Variants in ZMPSTE24 observed in about 807,000 individuals in gnomAD.
ZMPSTE24 encodes the protein zinc metallopeptidase STE24.
Under a neutral mutation model 56.7 loss-of-function variants are expected in ZMPSTE24, and 48 were observed. The ratio of observed to expected loss-of-function variants is 0.85; its 90% CI spans 0.67 to 1.08. The LOEUF (loss-of-function observed/expected upper bound fraction) is 1.08, where lower values mean the gene tolerates loss of function less well. ZMPSTE24 is among the 50% of genes least tolerant of loss of function. The pLI is 0.00. For missense variants in ZMPSTE24, 503 were observed against 548.7 expected (o/e 0.92, Z 0.83); for synonymous variants, 172 against 195.2 (o/e 0.88, Z 0.99).
intron 2 of ZMPSTE24, among the ~76,000 whole-genome samples, chr1:40,266,227 T>C (rs1054456931): frequency 2.0e-5 from 3 of 152,164 alleles, no homozygotes; most frequent in African/African-American, 7.2e-5. Context: ...AATATGATAG[T>C]ACCAAAACCC....
Position 40,276,710 on chromosome 1 carries a change from G to A in ZMPSTE24, c.770-4633G>A, listed in dbSNP as rs1010900563. Reference sequence around the variant, plus strand: ...TGAGAAATGCGCCATTAGGCTTTTCGTTGTCATGCAAACACCATTATACTC... The same window carrying A: ...TGAGAAATGCGCCATTAGGCTTTTCATTGTCATGCAAACACCATTATACTC... On this transcript the variant is annotated intron_variant, in intron 6 of 9. Transcript: ENST00000372759. Among the ~76,000 whole-genome samples, 12 of 152,148 alleles carry A rather than the reference G, an allele frequency of 7.9e-5. No individual in the cohort carries two copies. In the East Asian group the frequency reaches 1.2e-3, roughly 15 times the overall value.
At position 40,281,212 on chromosome 1, in the gene ZMPSTE24, T is replaced by C. The variant is rs78985808; in HGVS notation, c.770-131T>C. 2,468 of 928,676 alleles carry C rather than the reference T, an allele frequency of 2.7e-3. 33 individuals are homozygous for C. In the African/African-American group the frequency reaches 0.032, roughly 12 times the overall value. 57.5% of individuals were successfully genotyped at this position (928,676 alleles called of 1,614,324 possible). On this transcript the variant is annotated intron_variant, in intron 6 of 9. Coordinates refer to ENST00000372759, the MANE Select transcript of ZMPSTE24 (RefSeq NM_005857.5). The stretch of plus-strand genomic sequence containing the variant: ...CTGCTGGTGGTGAATTATGTTGATA[T>C]GATTTTTCTTCACATATTAAATGAT...
intron 8 of ZMPSTE24, 36 bp from the exon 9 acceptor site, chr1:40,290,818 G>GGT (rs760598016): frequency 1.4e-5 from 22 of 1,608,960 alleles, no homozygotes; most frequent in Non-Finnish European, 1.7e-5. Flanking sequence ...AAATCAGCTT[G>GGT]GTAATAACTT....
chr1:40,260,065 T>A (rs2124574954), intron 1 of ZMPSTE24, among the ~76,000 whole-genome samples: 1 of 146,652 alleles, frequency 6.8e-6, no homozygotes, highest in African/African-American at 2.5e-5. Context: ...CTTTTTTTTT[T>A]TTTTTTTTTT....
chr1:40,269,113 T>A (rs1374570350), intron 4 of ZMPSTE24, among the ~76,000 whole-genome samples: 1 of 146,174 alleles, frequency 6.8e-6, no homozygotes, highest in Non-Finnish European at 1.5e-5. Context: ...AAAAAAAGTC[T>A]TGACTGGGTA....
intron 8 of ZMPSTE24, among the ~76,000 whole-genome samples, chr1:40,286,429 A>C (rs1381751374): frequency 1.3e-5 from 2 of 152,084 alleles, no homozygotes; most frequent in Admixed American, 6.6e-5. Context: ...AAATTAAAAA[A>C]ATTTTTTTTG....
intron 4 of ZMPSTE24, among the ~76,000 whole-genome samples, chr1:40,269,402 A>T (rs890674667): frequency 6.6e-6 from 1 of 152,140 alleles, no homozygotes; most frequent in Non-Finnish European, 1.5e-5. Flanking sequence ...TCTTAAAAAA[A>T]AAAAAGAAAT....
intron 2 of ZMPSTE24, among the ~76,000 whole-genome samples, chr1:40,266,514 G>A (rs1643549682): frequency 6.6e-6 from 1 of 152,124 alleles, no homozygotes; most frequent in Non-Finnish European, 1.5e-5. Flanking sequence ...CCAAGACAAA[G>A]GGTGGTGCTG....
At chr1:40,273,537 A>AAAAAATATAT (rs1224234676) in intron 6 of ZMPSTE24, among the ~76,000 whole-genome samples, 2 of 12,388 alleles carry the variant, frequency 1.6e-4, no homozygotes, top group African/African-American at 3.7e-4. Flanking sequence ...AAAAAAAAAA[A>AAAAAATATAT]ATATATATAT....
chr1:40,288,713 T>C (rs1643810120), intron 8 of ZMPSTE24, among the ~76,000 whole-genome samples: 1 of 152,192 alleles, frequency 6.6e-6, no homozygotes, highest in Non-Finnish European at 1.5e-5. Flanking sequence ...ACATTAACAT[T>C]AGGCCAACTG....
chr1:40,263,081 C>A, intron 2 of ZMPSTE24: 1 of 768,648 alleles, frequency 1.3e-6, no homozygotes, highest in Non-Finnish European at 1.6e-6. Context: ...CATTTTCAAT[C>A]TCCTTGGTTG....
At chr1:40,285,167 CGTGATCTCAGCTCACTG>C (rs570023476) in intron 7 of ZMPSTE24, among the ~76,000 whole-genome samples, 6,774 of 151,606 alleles carry the variant, frequency 0.045, 485 homozygotes, top group African/African-American at 0.16. Context: ...AGTGCAATGG[CGTGATCTCAGCTCACTG>C]GTGATCTCAG....
Position 40,281,462 on chromosome 1 carries a change from G to C in ZMPSTE24, c.889G>C (p.Asp297His). 6.2e-7 allele frequency: 1 copy of C among 1,614,134 alleles called. No homozygotes were observed. The highest frequency in any genetic ancestry group is 1.1e-5 in the South Asian group (1 of 91,082). Residue 297 changes from aspartate to histidine, a missense_variant, in exon 7 of 10, where the codon GAT becomes CAT. Physicochemically the swap from Asp to His is moderately conservative, Grantham distance 81. Coordinates refer to ENST00000372759, the MANE Select transcript of ZMPSTE24 (RefSeq NM_005857.5). ...YSVLNKDIQE[D>H]SGMEPRNEEE... is the part of the protein sequence containing the mutation. ...TGTACTAAACAAAGACATCCAGGAG[G>C]ATTCTGGCATGGAACCCCGCAATGA...
At position 40,281,433 on chromosome 1, in the gene ZMPSTE24, A is replaced by G. The variant is rs781178278; in HGVS notation, c.860A>G (p.Tyr287Cys). ...TTGTTTGACACTCTACTAGAAGAGT[A>G]CTCTGTACTAAACAAAGACATCCAG... Reference protein sequence around the residue: ...IVLFDTLLEEYSVLNKDIQED... With the variant: ...IVLFDTLLEECSVLNKDIQED... Residue 287 changes from tyrosine (Y) to cysteine (C), a missense_variant, in exon 7 of 10, where the codon TAC becomes TGC. Physicochemically the swap from Tyr to Cys is radical, Grantham distance 194 (BLOSUM62 -2). Transcript: ENST00000372759. 6 of 1,614,022 alleles carry G rather than the reference A, an allele frequency of 3.7e-6. No individual in the cohort carries two copies. In the South Asian group the frequency reaches 6.6e-5, roughly 18 times the overall value.
intron 1 of ZMPSTE24, 74 bp from the exon 2 acceptor site, chr1:40,260,765 T>C (rs1367238328): frequency 3.3e-6 from 5 of 1,501,192 alleles, no homozygotes; most frequent in Admixed American, 3.4e-5. Context: ...CTATAAACCA[T>C]TCGATGTTTG....
chr1:40,281,517 CTAAAGT>C lies in ZMPSTE24; in HGVS notation c.951_954+2del, dbSNP rs747563189. 3.3e-5 allele frequency: 53 copies of C among 1,613,870 alleles called. No homozygotes were observed. The highest frequency in any genetic ancestry group is 1.9e-4 in the African/African-American group (14 of 75,010). On this transcript the variant is annotated inframe_deletion, in exon 7 of 10. Transcript: ENST00000372759. ...GAAGGGAACAGTGAAGAAATAAAAG[CTAAAGT>C]TAAAGTGAGTTATTTTTTCCTAAGA... is the stretch of plus-strand genomic sequence containing the variant.
At position 40,292,519 on chromosome 1, in the gene ZMPSTE24, G is replaced by C. The variant is rs1471430688; in HGVS notation, c.1278G>C (p.Gly426=). The part of the protein sequence containing the change: ...FQADAFAKKL[G]KAKDLYSALI... ...CTGATGCATTTGCCAAGAAACTTGG[G>C]AAGGCTAAAGACTTATATTCTGCTT... Residue 426 remains glycine, a synonymous_variant, in exon 10 of 10, where the codon GGG becomes GGC. Transcript: ENST00000372759. The C allele has an allele frequency of 1.2e-6, 2 of 1,614,124 alleles. No individual in the cohort carries two copies. The highest frequency in any genetic ancestry group is 2.2e-5 in the East Asian group (1 of 44,872).
At chr1:40,270,430 G>A (rs898041246) in intron 5 of ZMPSTE24, among the ~76,000 whole-genome samples, 4 of 152,162 alleles carry the variant, frequency 2.6e-5, no homozygotes, top group Admixed American at 2.0e-4. Context: ...GACTAAGTGT[G>A]ATAATTTAAT....
chr1:40,284,722 A>C (rs1408527074), intron 7 of ZMPSTE24, among the ~76,000 whole-genome samples: 1 of 152,236 alleles, frequency 6.6e-6, no homozygotes, highest in East Asian at 1.9e-4. Flanking sequence ...GTTGCACTCC[A>C]GCTTGGGCAA....
Sources: allele counts gnomAD v4.1 joint callset (sites outside exome capture counted in the v4.1 genomes callset), GRCh38; gene constraint gnomAD v4.1.1; transcripts MANE v1.5; gene names NCBI Gene and HGNC (gene_info 2026-07-23, HGNC 2026-07-21).